The following LY86 variants were observed in gnomAD, a reference collection of about 807,000 sequenced individuals.
The protein encoded by LY86 is lymphocyte antigen 86.
LY86 carries 20 observed loss-of-function variants against 17.3 expected under a neutral mutation model. The ratio of observed to expected loss-of-function variants is 1.15; its 90% confidence interval spans 0.81 to 1.68. The LOEUF (loss-of-function observed/expected upper bound fraction) is 1.68. Ranked by LOEUF, LY86 falls within the 40% of genes most tolerant of loss-of-function variation. The pLI is 0.00. For synonymous variants in LY86, 74 were observed against 70.6 expected (o/e 1.05, Z -0.24); for missense variants, 200 against 191.9 (o/e 1.04, Z -0.25).
At chr6:6,596,824 C>CA (rs1287819629) in intron 1 of LY86, among the ~76,000 whole-genome samples, 1 of 152,140 alleles carries the variant, frequency 6.6e-6, no homozygotes, top group Non-Finnish European at 1.5e-5. Context: ...GCCCAACCTC[C>CA]AAGCCTGAGT....
chr6:6,651,790 T>C (rs72821175), intron 4 of LY86, among the ~76,000 whole-genome samples: 60,934 of 151,836 alleles, frequency 0.4, 12,283 homozygotes, highest in East Asian at 0.52. Context: ...GCACAGTGCC[T>C]CATGCCTGTA....
At chr6:6,606,765 C>G (rs763345338) in intron 1 of LY86, among the ~76,000 whole-genome samples, 107 of 152,164 alleles carry the variant, frequency 7.0e-4, no homozygotes, top group East Asian at 7.7e-4. Context: ...CGCGCTGGCC[C>G]GCAAGCGCCG....
intron 3 of LY86, 142 bp from the exon 4 acceptor site, chr6:6,649,483 G>GAC: frequency 2.2e-6 from 1 of 455,382 alleles, no homozygotes; most frequent in Non-Finnish European, 3.8e-6. Flanking sequence ...GTGTAGATCA[G>GAC]GAAATGAAAA....
chr6:6,588,983 G>A (rs1039156524), intron 1 of LY86, 113 bp downstream of exon 1: 29 of 1,359,588 alleles, frequency 2.1e-5, no homozygotes, highest in East Asian at 1.5e-4. Context: ...ACCAGCAGCT[G>A]AACACTTTCT....
intron 1 of LY86, among the ~76,000 whole-genome samples, chr6:6,612,965 C>T (rs1205489007): frequency 6.6e-6 from 1 of 151,846 alleles, no homozygotes; most frequent in Non-Finnish European, 1.5e-5. Context: ...GAGCTAGACA[C>T]AGGGTGCTGA....
At chr6:6,591,907 G>A (rs978352427) in intron 1 of LY86, among the ~76,000 whole-genome samples, 1 of 152,186 alleles carries the variant, frequency 6.6e-6, no homozygotes, top group African/African-American at 2.4e-5. Context: ...CAGGGTTCAG[G>A]GAACTGCGGG....
At chr6:6,612,476 G>A (rs35936147) in intron 1 of LY86, among the ~76,000 whole-genome samples, 5,676 of 152,104 alleles carry the variant, frequency 0.037, 207 homozygotes, top group African/African-American at 0.092. Flanking sequence ...AAGCAATGCA[G>A]ACCCAAAGTG....
chr6:6,592,212 T>G (rs1379741071), intron 1 of LY86, among the ~76,000 whole-genome samples: 1 of 152,220 alleles, frequency 6.6e-6, no homozygotes, highest in Non-Finnish European at 1.5e-5. Context: ...CTCTGAATAC[T>G]GACTAGGAAG....
intron 1 of LY86, among the ~76,000 whole-genome samples, chr6:6,601,595 CTG>C: frequency 6.6e-6 from 1 of 152,244 alleles, no homozygotes; most frequent in Admixed American, 6.5e-5. Context: ...TGGTGGGCAC[CTG>C]TAGTCCCAGC....
chr6:6,625,027 T>G lies in LY86; in HGVS notation c.223+15T>G. 8.4e-7 allele frequency: 1 copy of G among 1,195,816 alleles called. No homozygotes were observed. The highest frequency in any genetic ancestry group is 1.2e-6 in the Non-Finnish European group (1 of 819,616). 74.1% of individuals were successfully genotyped at this position (1,195,816 alleles called of 1,614,324 possible). A position where few individuals can be genotyped will look rare whatever the true frequency, so the allele number is the denominator to read the frequency against. On this transcript the variant is annotated intron_variant, in intron 2 of 4. Coordinates refer to ENST00000230568, the MANE Select transcript of LY86 (RefSeq NM_004271.4). ...AATTATTCTGAGTAAGTAAAAAAAATGATTAGCATGAAATAAAACATTGCA... is the reference window on the plus strand; with the variant it reads ...AATTATTCTGAGTAAGTAAAAAAAAGGATTAGCATGAAATAAAACATTGCA...
intron 1 of LY86, among the ~76,000 whole-genome samples, chr6:6,611,218 C>A (rs1422464146): frequency 2.0e-5 from 3 of 152,132 alleles, no homozygotes; most frequent in Non-Finnish European, 4.4e-5. Flanking sequence ...CGTGAAGTTC[C>A]CAGAATACAC....
intron 1 of LY86, among the ~76,000 whole-genome samples, chr6:6,611,289 G>C (rs924582688): frequency 6.6e-6 from 1 of 152,146 alleles, no homozygotes; most frequent in Non-Finnish European, 1.5e-5. Flanking sequence ...TGGTAGAAAA[G>C]AGCCTACATA....
intron 1 of LY86, among the ~76,000 whole-genome samples, chr6:6,614,646 T>C (rs1222252520): frequency 6.6e-6 from 1 of 152,214 alleles, no homozygotes; most frequent in Non-Finnish European, 1.5e-5. Flanking sequence ...CTTGCTCATC[T>C]CTTCAGCTTT....
intron 1 of LY86, among the ~76,000 whole-genome samples, chr6:6,608,362 C>T (rs920751443): frequency 4.6e-5 from 7 of 152,212 alleles, no homozygotes; most frequent in African/African-American, 1.2e-4. Flanking sequence ...TAGCATGCAT[C>T]GCGTTACTTA....
At chr6:6,600,244 G>A (rs1760855456) in intron 1 of LY86, among the ~76,000 whole-genome samples, 1 of 152,142 alleles carries the variant, frequency 6.6e-6, no homozygotes, top group African/African-American at 2.4e-5. Context: ...TCATTAAGGA[G>A]TCCAACAGCC....
intron 1 of LY86, among the ~76,000 whole-genome samples, chr6:6,613,895 G>C (rs927689425): frequency 6.6e-6 from 1 of 152,276 alleles, no homozygotes; most frequent in Non-Finnish European, 1.5e-5. Context: ...GCAGTGTAAA[G>C]AGCGAAGCAA....
rs114823147 is a variant in LY86 at position 6,598,301 on chromosome 6, T to C, written c.136+9431T>C. ...ACAAAATTATTCAACTCATTTTTTT[T>C]CTTAACCTCATTTCAAAATACTGAT... is the stretch of plus-strand genomic sequence containing the variant. On this transcript the variant is annotated intron_variant, in intron 1 of 4. Coordinates refer to ENST00000230568, the MANE Select transcript of LY86 (RefSeq NM_004271.4). 5.2e-3 allele frequency among the ~76,000 whole-genome samples: 786 copies of C among 152,356 alleles called. 11 individuals carry two copies. The highest frequency in any genetic ancestry group is 0.018 in the African/African-American group (759 of 41,580).
At chr6:6,645,641 T>A (rs574119877) in intron 3 of LY86, among the ~76,000 whole-genome samples, 3 of 151,878 alleles carry the variant, frequency 2.0e-5, no homozygotes. Context: ...GGTATAAACA[T>A]GCCCAAGGGA....
At chr6:6,649,214 A>G (rs1762150401) in intron 3 of LY86, among the ~76,000 whole-genome samples, 1 of 152,220 alleles carries the variant, frequency 6.6e-6, no homozygotes, top group Admixed American at 6.5e-5. Context: ...CGACTTATTC[A>G]CTATCGTGAG....
Sources: gnomAD v4.1 joint callset for allele counts (sites outside exome capture counted in the v4.1 genomes callset) on GRCh38, gnomAD v4.1.1 for gene constraint, MANE v1.5 for transcripts, NCBI Gene and HGNC (gene_info 2026-07-23, HGNC 2026-07-21) for gene names.